The following LHFPL6 variants were observed in gnomAD, a reference collection of about 807,000 sequenced individuals.
LHFPL6 encodes LHFPL tetraspan subfamily member 6, also known as LHFPL tetraspan subfamily member 6 protein.
LHFPL6 carries 9 observed loss-of-function variants against 20.6 expected under a neutral mutation model. That is an observed-to-expected ratio of 0.44 (90% confidence interval 0.26 to 0.76). The LOEUF (loss-of-function observed/expected upper bound fraction) is 0.76, where lower values mean the gene tolerates loss of function less well. LHFPL6 is among the 30% of genes least tolerant of loss of function. LHFPL6 has a pLI of 0.20. For synonymous variants in LHFPL6, 105 were observed against 98.7 expected (o/e 1.06, Z -0.38); for missense variants, 218 against 253.5 (o/e 0.86, Z 0.95).
At chr13:39,443,615 G>A (rs9532380) in intron 2 of LHFPL6, among the ~76,000 whole-genome samples, 61,997 of 151,690 alleles carry the variant, frequency 0.41, 16,141 homozygotes, top group Non-Finnish European at 0.56. Context: ...ATCTTCCTAC[G>A]GATTACTTAA....
intron 2 of LHFPL6, among the ~76,000 whole-genome samples, chr13:39,520,608 G>A (rs1186007911): frequency 6.6e-6 from 1 of 152,212 alleles, no homozygotes; most frequent in Non-Finnish European, 1.5e-5. Context: ...CCTGTTATCA[G>A]AACTGTGGTC....
chr13:39,494,213 A>C (rs930573561), intron 2 of LHFPL6, among the ~76,000 whole-genome samples: 3 of 152,240 alleles, frequency 2.0e-5, no homozygotes, highest in African/African-American at 7.2e-5. Flanking sequence ...CTGTGAAAGC[A>C]CACTGGCCTC....
intron 2 of LHFPL6, among the ~76,000 whole-genome samples, chr13:39,434,838 T>C (rs2138408434): frequency 6.6e-6 from 1 of 151,764 alleles, no homozygotes; most frequent in Non-Finnish European, 1.5e-5. Flanking sequence ...GGGTGGATCA[T>C]GAGGTCAGGA....
intron 2 of LHFPL6, among the ~76,000 whole-genome samples, chr13:39,546,347 T>C (rs2138508292): frequency 6.6e-6 from 1 of 152,306 alleles, no homozygotes; most frequent in East Asian, 1.9e-4. Context: ...TCCTGGGCAA[T>C]GCCTACAAAT....
At chr13:39,344,167 T>A in intron 3 of LHFPL6, 113 bp from the exon 4 acceptor site, 1 of 726,626 alleles carries the variant, frequency 1.4e-6, no homozygotes, top group Non-Finnish European at 2.3e-6. Context: ...GAATATGGTA[T>A]CCTCGCTTAA....
In LHFPL6 at chr13:39,361,174, C is replaced by T. The variant is rs774737748; in HGVS notation, c.485-17120G>A. Reference sequence around the variant, plus strand: ...ATACAGCAGAGGATGGAAGACATTGCTAGCCATCATTATTATTACTAACGC... The same window carrying T: ...ATACAGCAGAGGATGGAAGACATTGTTAGCCATCATTATTATTACTAACGC... On this transcript the variant is annotated intron_variant, in intron 3 of 3. Coordinates refer to ENST00000379589, the MANE Select transcript of LHFPL6 (RefSeq NM_005780.3). Among the ~76,000 whole-genome samples the T allele has an allele frequency of 8.2e-5, 8 of 97,280 alleles. 2 individuals carry two copies. Among genetic ancestry groups the T allele is most frequent in the Non-Finnish European group, 1.5e-4 (6 of 41,188 alleles). 63.8% of individuals were successfully genotyped at this position (97,280 alleles called of 152,430 possible).
Position 39,572,045 on chromosome 13 carries a change from C to T in LHFPL6, c.385+28787G>A, listed in dbSNP as rs189679319. 1.9e-3 allele frequency among the ~76,000 whole-genome samples: 295 copies of T among 152,264 alleles called. 2 individuals are homozygous for T. The highest frequency in any genetic ancestry group is 7.9e-3 in the Admixed American group (121 of 15,288). ...AATATGTCCAAGGTTATAAATGTGA[C>T]AATTAAATCAGGGGCAAAGGACATG... On this transcript the variant is annotated intron_variant, in intron 2 of 3. Transcript: ENST00000379589.
intron 2 of LHFPL6, among the ~76,000 whole-genome samples, chr13:39,538,447 C>G (rs1442091691): frequency 6.7e-6 from 1 of 148,582 alleles, no homozygotes; most frequent in Non-Finnish European, 1.5e-5. Context: ...TGAGATCTAA[C>G]TTCCAGTTTA....
chr13:39,592,635 A>G (rs968757689), intron 2 of LHFPL6, among the ~76,000 whole-genome samples: 3 of 152,236 alleles, frequency 2.0e-5, no homozygotes, highest in East Asian at 1.9e-4. Flanking sequence ...GGCCAGCATC[A>G]TCCTGATATC....
intron 2 of LHFPL6, among the ~76,000 whole-genome samples, chr13:39,593,829 G>A (rs1486963319): frequency 2.6e-5 from 4 of 152,036 alleles, no homozygotes; most frequent in Non-Finnish European, 4.4e-5. Context: ...ACAACTATCT[G>A]ATCTTTGACA....
At position 39,343,972 on chromosome 13, in the gene LHFPL6, G is replaced by A; in HGVS notation, c.567C>T (p.Cys189=). The part of the protein sequence containing the change: ...AAMLLCTWLA[C]FSGKKQKHYP... ...AGTGCTTCTGTTTCTTGCCCGAAAA[G>A]CAAGCCAGCCACGTGCACAGCAGCA... Residue 189 remains cysteine (C), a synonymous_variant, in exon 4 of 4, where the codon TGC becomes TGT. Coordinates refer to ENST00000379589, the MANE Select transcript of LHFPL6 (RefSeq NM_005780.3). 1 of 1,613,786 alleles carries A rather than the reference G, an allele frequency of 6.2e-7. No homozygotes were observed. The highest frequency in any genetic ancestry group is 8.5e-7 in the Non-Finnish European group (1 of 1,179,936).
chr13:39,440,128 C>T (rs1387811191), intron 2 of LHFPL6, among the ~76,000 whole-genome samples: 2 of 152,190 alleles, frequency 1.3e-5, no homozygotes, highest in Non-Finnish European at 2.9e-5. Flanking sequence ...GATCACATAA[C>T]TGTAGCTCAG....
intron 2 of LHFPL6, among the ~76,000 whole-genome samples, chr13:39,447,832 A>G (rs1193528941): frequency 1.3e-5 from 2 of 152,368 alleles, no homozygotes; most frequent in Middle Eastern, 3.4e-3. Flanking sequence ...ATAATTTTGA[A>G]AAGTCTGGAA....
At position 39,526,858 on chromosome 13, in the gene LHFPL6, A is replaced by T. The variant is rs368354655; in HGVS notation, c.385+73974T>A. On this transcript the variant is annotated intron_variant, in intron 2 of 3. Coordinates refer to ENST00000379589, the MANE Select transcript of LHFPL6 (RefSeq NM_005780.3). ...CAGAAACTGAAATGTTGAAATGCAC[A>T]TCAATCTTGAATTCTGAATACCCTC... 4.6e-5 allele frequency among the ~76,000 whole-genome samples: 7 copies of T among 152,386 alleles called. No individual in the cohort carries two copies. The East Asian group carries it at 9.6e-4, about 21-fold the overall frequency.
At chr13:39,589,199 C>T (rs913282819) in intron 2 of LHFPL6, among the ~76,000 whole-genome samples, 3 of 152,068 alleles carry the variant, frequency 2.0e-5, no homozygotes, top group Non-Finnish European at 2.9e-5. Flanking sequence ...CTCTGCCTCC[C>T]GGGTTTAAGC....
At chr13:39,418,925 T>C (rs1029492509) in intron 2 of LHFPL6, among the ~76,000 whole-genome samples, 2 of 152,236 alleles carry the variant, frequency 1.3e-5, no homozygotes, top group Non-Finnish European at 2.9e-5. Flanking sequence ...TAATGTTTAG[T>C]GATACACAAA....
intron 2 of LHFPL6, among the ~76,000 whole-genome samples, chr13:39,506,007 C>T (rs1186589687): frequency 6.6e-6 from 1 of 152,148 alleles, no homozygotes; most frequent in Non-Finnish European, 1.5e-5. Context: ...CCACTCAACT[C>T]AGATAAAGCC....
chr13:39,353,583 C>T (rs1869649926), intron 3 of LHFPL6, among the ~76,000 whole-genome samples: 1 of 151,820 alleles, frequency 6.6e-6, no homozygotes, highest in Non-Finnish European at 1.5e-5. Flanking sequence ...AAAAAATTAG[C>T]CAGGTGTGGT....
chr13:39,464,451 T>C (rs1872753993), intron 2 of LHFPL6, among the ~76,000 whole-genome samples: 1 of 152,116 alleles, frequency 6.6e-6, no homozygotes, highest in African/African-American at 2.4e-5. Context: ...AAATGAATAG[T>C]TACTAAAGAC....
Sources: allele counts gnomAD v4.1 joint callset (sites outside exome capture counted in the v4.1 genomes callset), GRCh38; gene constraint gnomAD v4.1.1; transcripts MANE v1.5; gene names NCBI Gene and HGNC (gene_info 2026-07-23, HGNC 2026-07-21).